The following RORA variants were observed in gnomAD, a reference collection of about 807,000 sequenced individuals.
RORA encodes RAR related orphan receptor A.
Under a neutral mutation model 69.5 loss-of-function variants are expected in RORA, and 7 were observed. That is an observed-to-expected ratio of 0.10 (90% CI 0.06 to 0.19). RORA has a LOEUF of 0.19. Ranked by LOEUF, RORA falls within the 10% of genes least tolerant of loss-of-function variation. The pLI, the probability that RORA is intolerant of heterozygous loss-of-function variation, is 1.00. For synonymous variants in RORA, 261 were observed against 240.8 expected (o/e 1.08, Z -0.78); for missense variants, 457 against 663.0 (o/e 0.69, Z 3.41).
intron 2 of RORA, among the ~76,000 whole-genome samples, chr15:60,536,022 C>T (rs946499665): frequency 6.6e-6 from 1 of 152,054 alleles, no homozygotes; most frequent in Non-Finnish European, 1.5e-5. Context: ...GGGAGTTATC[C>T]CCGTAGTTTA....
intron 1 of RORA, among the ~76,000 whole-genome samples, chr15:61,179,885 C>A (rs1244607575): frequency 6.6e-6 from 1 of 151,938 alleles, no homozygotes; most frequent in Admixed American, 6.6e-5. Context: ...GCCTGTAATC[C>A]CAGCACTTTG....
At chr15:60,640,144 A>G (rs2069917041) in intron 2 of RORA, among the ~76,000 whole-genome samples, 1 of 152,206 alleles carries the variant, frequency 6.6e-6, no homozygotes, top group Non-Finnish European at 1.5e-5. Flanking sequence ...TTCCTCTCGC[A>G]GCATCACTAG....
intron 1 of RORA, among the ~76,000 whole-genome samples, chr15:60,723,006 CT>C (rs980959282): frequency 3.9e-5 from 6 of 152,188 alleles, no homozygotes; most frequent in Non-Finnish European, 8.8e-5. Context: ...TAGAAAAAAA[CT>C]AGCTTGCAAG....
At chr15:60,891,131 A>G (rs1253631123) in intron 1 of RORA, among the ~76,000 whole-genome samples, 1 of 152,222 alleles carries the variant, frequency 6.6e-6, no homozygotes, top group Admixed American at 6.5e-5. Flanking sequence ...GAGCCTCAAA[A>G]GGACCCTCTA....
chr15:61,090,970 A>G (rs779372281), intron 1 of RORA, among the ~76,000 whole-genome samples: 7 of 152,058 alleles, frequency 4.6e-5, no homozygotes, highest in South Asian at 4.2e-4. Context: ...CTAATACCTA[A>G]AACAGTCCAC....
chr15:60,657,824 C>A (rs954113730), intron 2 of RORA, among the ~76,000 whole-genome samples: 1 of 152,232 alleles, frequency 6.6e-6, no homozygotes. Flanking sequence ...CCCTTTATCT[C>A]CTCCTGAGAT....
chr15:60,880,728 C>T (rs1166425386), intron 1 of RORA, among the ~76,000 whole-genome samples: 1 of 152,142 alleles, frequency 6.6e-6, no homozygotes, highest in East Asian at 1.9e-4. Context: ...CTCAAAGCCT[C>T]CGGAAAAGGA....
intron 1 of RORA, among the ~76,000 whole-genome samples, chr15:60,772,694 G>A (rs765747420): frequency 5.0e-4 from 76 of 152,230 alleles, no homozygotes; most frequent in Admixed American, 1.4e-3. Flanking sequence ...AAGATGGAGC[G>A]TTCATGAATG....
intron 1 of RORA, among the ~76,000 whole-genome samples, chr15:61,184,234 C>A (rs1205869968): frequency 6.6e-6 from 1 of 152,180 alleles, no homozygotes; most frequent in African/African-American, 2.4e-5. Flanking sequence ...ACAACACACT[C>A]CCCTTACACA....
intron 1 of RORA, among the ~76,000 whole-genome samples, chr15:60,993,466 C>T (rs1894441994): frequency 6.6e-6 from 1 of 151,932 alleles, no homozygotes; most frequent in African/African-American, 2.4e-5. Flanking sequence ...TGGTGAAACC[C>T]CATCTCTACT....
At chr15:61,005,916 A>G (rs1894896688) in intron 1 of RORA, among the ~76,000 whole-genome samples, 1 of 151,954 alleles carries the variant, frequency 6.6e-6, no homozygotes, top group African/African-American at 2.4e-5. Flanking sequence ...GTCACCTCTT[A>G]GTGGTAGGCT....
chr15:61,209,774 T>C (rs1029948747), intron 1 of RORA, among the ~76,000 whole-genome samples: 2 of 152,240 alleles, frequency 1.3e-5, no homozygotes, highest in African/African-American at 2.4e-5. Flanking sequence ...ACAACATCCC[T>C]TTCTCAGGAA....
chr15:60,782,559 T>C (rs940173507), intron 1 of RORA, among the ~76,000 whole-genome samples: 1 of 152,142 alleles, frequency 6.6e-6, no homozygotes, highest in Non-Finnish European at 1.5e-5. Context: ...GCAAAGGCGG[T>C]CATATGATAT....
chr15:61,197,624 G>A (rs773289858), intron 1 of RORA, among the ~76,000 whole-genome samples: 1 of 152,198 alleles, frequency 6.6e-6, no homozygotes, highest in Non-Finnish European at 1.5e-5. Flanking sequence ...TCCGTCAGGT[G>A]AGGCTGAGAG....
intron 1 of RORA, among the ~76,000 whole-genome samples, chr15:61,023,685 C>G (rs957979276): frequency 4.6e-4 from 70 of 152,290 alleles, no homozygotes; most frequent in African/African-American, 1.6e-3. Context: ...CAGGTAACAG[C>G]TTTGGATATT....
At chr15:60,933,375 C>T (rs1340145471) in intron 1 of RORA, among the ~76,000 whole-genome samples, 1 of 152,186 alleles carries the variant, frequency 6.6e-6, no homozygotes, top group African/African-American at 2.4e-5. Context: ...TTCCCTGTGC[C>T]CTTGCAGTGC....
rs564507528 is a variant in RORA at position 60,683,396 on chromosome 15, C to T, written c.167-4710G>A. Among the ~76,000 whole-genome samples the T allele has an allele frequency of 1.6e-3, 246 of 152,270 alleles. 3 individuals are homozygous for T. The highest frequency in any genetic ancestry group is 5.7e-3 in the African/African-American group (238 of 41,558). ...AGCTATCAAGCCAAACCACATCTTT[C>T]CAAGCAACAGGCTGTCAGATCTATT... On this transcript the variant is annotated intron_variant, in intron 1 of 10. Coordinates refer to ENST00000335670, the MANE Select transcript of RORA (RefSeq NM_134261.3).
chr15:60,729,314 C>T (rs1057450987), intron 1 of RORA, among the ~76,000 whole-genome samples: 1 of 152,196 alleles, frequency 6.6e-6, no homozygotes, highest in Non-Finnish European at 1.5e-5. Context: ...CGATCACTTT[C>T]CTTACTCCAA....
intron 1 of RORA, among the ~76,000 whole-genome samples, chr15:60,765,881 C>T (rs1455880997): frequency 1.3e-5 from 2 of 151,850 alleles, no homozygotes; most frequent in East Asian, 1.9e-4. Flanking sequence ...CCCCCAATAT[C>T]GGTACTTTAC....
Sources: gnomAD v4.1 joint callset for allele counts (sites outside exome capture counted in the v4.1 genomes callset) on GRCh38, gnomAD v4.1.1 for gene constraint, MANE v1.5 for transcripts, NCBI Gene and HGNC (gene_info 2026-07-23, HGNC 2026-07-21) for gene names.